Variants in CASK observed in about 807,000 individuals in gnomAD.
CASK encodes the protein calcium/calmodulin dependent serine protein kinase.
In CASK, 4 loss-of-function variants were observed where a neutral mutation model predicts 82.9. That is an observed-to-expected ratio of 0.05 (90% CI 0.02 to 0.11). The LOEUF (loss-of-function observed/expected upper bound fraction) is 0.11. Ranked by LOEUF, CASK falls within the 10% of genes least tolerant of loss-of-function variation. The probability of loss-of-function intolerance (pLI) is 1.00; values close to 1 mark genes in which losing one functional copy is unlikely to be tolerated. For missense variants in CASK, 358 were observed against 720.9 expected, an observed-to-expected ratio of 0.50 and a Z score of 5.76; for synonymous variants, 259 against 253.5, an observed-to-expected ratio of 1.02 and a Z score of -0.20.
At chrX:41,879,595 T>C (rs1188076400) in intron 1 of CASK, among the ~76,000 whole-genome samples, 1 of 111,530 alleles carries the variant, frequency 9.0e-6, no homozygotes, top group Non-Finnish European at 1.9e-5. Flanking sequence ...ATTTCATTTA[T>C]GATGACTTTG....
At chrX:41,650,078 G>GC in intron 8 of CASK, among the ~76,000 whole-genome samples, 1 of 110,773 alleles carries the variant, frequency 9.0e-6, no homozygotes, top group Non-Finnish European at 1.9e-5. Flanking sequence ...TGCAACCCCT[G>GC]CTTTTTTTTT....
chrX:41,658,231 C>T (rs2066974092), intron 8 of CASK, among the ~76,000 whole-genome samples: 1 of 111,619 alleles, frequency 9.0e-6, no homozygotes, highest in Non-Finnish European at 1.9e-5. Flanking sequence ...TAAATGTTTC[C>T]CTGAATTCTG....
Position 41,726,511 on chromosome X carries a change from A to G in CASK, c.429+12873T>C, listed in dbSNP as rs961410967. On this transcript the variant is annotated intron_variant, in intron 5 of 26. Coordinates refer to ENST00000378163, the MANE Select transcript of CASK (RefSeq NM_001367721.1). Reference sequence around the variant, plus strand: ...GGAGTGTTTTAGCCTAGCCACAAAAAGACACCATTTTGAAAACTATATATA... The same window carrying G: ...GGAGTGTTTTAGCCTAGCCACAAAAGGACACCATTTTGAAAACTATATATA... Among the ~76,000 whole-genome samples, 5 of 111,887 alleles carry G rather than the reference A, an allele frequency of 4.5e-5. No individual in the cohort carries two copies. The Admixed American group carries it at 4.8e-4, about 11-fold the overall frequency.
chrX:41,770,066 G>A (rs1233616287), intron 3 of CASK, among the ~76,000 whole-genome samples: 1 of 111,017 alleles, frequency 9.0e-6, no homozygotes, highest in Non-Finnish European at 1.9e-5. Flanking sequence ...GAAGGGATAA[G>A]AGATCTCGAC....
chrX:41,573,037 C>T (rs900248697), intron 15 of CASK, among the ~76,000 whole-genome samples: 1 of 106,912 alleles, frequency 9.4e-6, no homozygotes, highest in East Asian at 2.9e-4. Flanking sequence ...TTGATGTCAT[C>T]CTTATGTTTG....
intron 15 of CASK, among the ~76,000 whole-genome samples, chrX:41,575,439 C>T (rs937236995): frequency 6.3e-5 from 7 of 111,521 alleles, no homozygotes; most frequent in African/African-American, 9.8e-5. Context: ...GAAAGTTATA[C>T]TCCTGGCCTT....
intron 20 of CASK, 91 bp from the exon 21 acceptor site, chrX:41,554,006 T>C: frequency 1.5e-6 from 1 of 647,644 alleles, no homozygotes. Flanking sequence ...ACAGTTACAA[T>C]ACAAACAGGA....
chrX:41,634,271 G>A (rs1440352315), intron 9 of CASK, among the ~76,000 whole-genome samples: 1 of 112,564 alleles, frequency 8.9e-6, no homozygotes. Context: ...TGAAGAGGCA[G>A]AATGGGAATT....
intron 2 of CASK, among the ~76,000 whole-genome samples, chrX:41,843,978 G>C (rs761459324): frequency 9.0e-6 from 1 of 111,536 alleles, no homozygotes; most frequent in South Asian, 3.7e-4. Context: ...GAATAATGCT[G>C]CTATGAACAT....
intron 3 of CASK, among the ~76,000 whole-genome samples, chrX:41,747,515 T>C (rs1341230140): frequency 1.8e-5 from 2 of 111,406 alleles, no homozygotes; most frequent in African/African-American, 3.3e-5. Context: ...CTCGGCTCAC[T>C]GCGAGCTCCG....
At chrX:41,592,883 G>T (rs1234290802) in intron 12 of CASK, among the ~76,000 whole-genome samples, 1 of 111,814 alleles carries the variant, frequency 8.9e-6, no homozygotes, top group Admixed American at 9.5e-5. Context: ...GCACAGAGTG[G>T]TCAAGTGAGA....
At chrX:41,708,725 T>C (rs2067924262) in intron 5 of CASK, among the ~76,000 whole-genome samples, 1 of 112,407 alleles carries the variant, frequency 8.9e-6, no homozygotes, top group African/African-American at 3.2e-5. Context: ...GTGGGCAGTT[T>C]ATGCGTCAGC....
intron 8 of CASK, among the ~76,000 whole-genome samples, chrX:41,658,998 T>C (rs759892391): frequency 3.0e-4 from 33 of 111,232 alleles, no homozygotes; most frequent in Middle Eastern, 4.6e-3. Context: ...GAGGGGGTTG[T>C]AGGGTCAGGA....
intron 12 of CASK, among the ~76,000 whole-genome samples, chrX:41,593,589 C>T (rs2065776688): frequency 1.8e-5 from 2 of 111,107 alleles, no homozygotes; most frequent in African/African-American, 6.6e-5. Context: ...AGTTTGGTCC[C>T]CAGCAATAAC....
At chrX:41,556,365 AC>A (rs1302442459) in intron 19 of CASK, 2 of 112,851 alleles carry the variant, frequency 1.8e-5, no homozygotes, top group Non-Finnish European at 3.7e-5. Flanking sequence ...TAAGTTAAAA[AC>A]AATTCTTTCT....
At chrX:41,625,252 C>T (rs1339940933) in intron 10 of CASK, among the ~76,000 whole-genome samples, 1 of 94,222 alleles carries the variant, frequency 1.1e-5, no homozygotes, top group Non-Finnish European at 2.0e-5. Flanking sequence ...GTGGCGTGAT[C>T]TCGGCTCACT....
chrX:41,795,293 C>G (rs907975256), intron 2 of CASK, among the ~76,000 whole-genome samples: 1 of 112,153 alleles, frequency 8.9e-6, no homozygotes, highest in Non-Finnish European at 1.9e-5. Context: ...ACTGACAGCC[C>G]TCCTTGATTT....
intron 10 of CASK, chrX:41,624,350 C>T (rs2066333141): frequency 6.2e-6 from 2 of 320,687 alleles, no homozygotes; most frequent in Admixed American, 6.4e-5. Flanking sequence ...GGATAATGAC[C>T]AAGTCAGCAC....
intron 5 of CASK, among the ~76,000 whole-genome samples, chrX:41,693,550 G>T (rs968572032): frequency 1.8e-5 from 2 of 111,681 alleles, no homozygotes; most frequent in Non-Finnish European, 3.8e-5. Flanking sequence ...GGGGGCGGAG[G>T]TTGCAGTGAG....
Sources: allele counts gnomAD v4.1 joint callset (sites outside exome capture counted in the v4.1 genomes callset), GRCh38; gene constraint gnomAD v4.1.1; transcripts MANE v1.5; gene names NCBI Gene and HGNC (gene_info 2026-07-23, HGNC 2026-07-21).